The following TRNT1 variants were observed in gnomAD, a reference collection of about 807,000 sequenced individuals.
TRNT1 encodes CCA tRNA nucleotidyltransferase 1, mitochondrial.
TRNT1 carries 44 observed loss-of-function variants against 45.6 expected under a neutral mutation model. That is an observed-to-expected ratio of 0.97 (90% confidence interval 0.76 to 1.24). The LOEUF (loss-of-function observed/expected upper bound fraction) is 1.24, where lower values mean the gene tolerates loss of function less well. Among genes scored for constraint, TRNT1 ranks in the 50% most tolerant of loss-of-function variants. The pLI, the probability that TRNT1 is intolerant of heterozygous loss-of-function variation, is 0.00. For synonymous variants in TRNT1, 201 were observed against 171.4 expected, an observed-to-expected ratio of 1.17 and a Z score of -1.35; for missense variants, 633 against 504.4, an observed-to-expected ratio of 1.25 and a Z score of -2.44.
chr3:3,136,943 G>A (rs1478712783), intron 2 of TRNT1: 4 of 282,126 alleles, frequency 1.4e-5, no homozygotes, highest in East Asian at 9.2e-5. Context: ...GAGCCACTGC[G>A]CCTGACCTGC....
downstream of TRNT1, among the ~76,000 whole-genome samples, chr3:3,152,772 C>A (rs1296706483): frequency 1.3e-5 from 2 of 152,074 alleles, no homozygotes; most frequent in Non-Finnish European, 2.9e-5. Context: ...GGCAGACAGG[C>A]CTGTTTTGTC....
chr3:3,140,898 C>T (rs1046739359), intron 4 of TRNT1, among the ~76,000 whole-genome samples: 19 of 152,240 alleles, frequency 1.2e-4, no homozygotes, highest in Middle Eastern at 3.4e-3. Flanking sequence ...CTGGCTAACA[C>T]GGTGAAACCC....
rs773071444 is a variant in TRNT1, at chr3:3,140,693, CTTCTT to C, written c.481+49_481+53del. 22 of 1,582,812 alleles carry C rather than the reference CTTCTT, an allele frequency of 1.4e-5. No homozygotes were observed. The Admixed American group carries it at 2.2e-4, about 16-fold the overall frequency. ...CCATATTGTGAGTCTATCAGAATGC[CTTCTT>C]TTCAAGTAAAACCTACATTCTGGAA... On this transcript the variant is annotated intron_variant, in intron 4 of 7. Transcript: ENST00000251607.
rs749906606 is a variant in TRNT1, at chr3:3,148,000, C to T, written c.1151C>T (p.Pro384Leu). The T allele has an allele frequency of 1.2e-6, 2 of 1,614,000 alleles. No homozygotes were observed. Among genetic ancestry groups the T allele is most frequent in the East Asian group, 2.2e-5 (1 of 44,872 alleles). ...AAGGAAATGCAGCAGTGGTCCATTC[C>T]TCCATTTCCTGTAAGTGGCCATGAC... The part of the protein sequence containing the change: ...LLKEMQQWSI[P>L]PFPVSGHDIR... Residue 384 changes from proline (P) to leucine (L), a missense_variant, in exon 8 of 8, where the codon CCT becomes CTT. Physicochemically the swap from Pro to Leu is moderately conservative, Grantham distance 98. Coordinates refer to ENST00000251607, the MANE Select transcript of TRNT1 (RefSeq NM_182916.3).
At chr3:3,143,660 T>G (rs952319298) in intron 4 of TRNT1, among the ~76,000 whole-genome samples, 3 of 152,066 alleles carry the variant, frequency 2.0e-5, no homozygotes, top group African/African-American at 7.2e-5. Flanking sequence ...TGCAGATCAC[T>G]TGATGTCAGG....
At chr3:3,142,176 C>G (rs1331088684) in intron 4 of TRNT1, among the ~76,000 whole-genome samples, 2 of 152,178 alleles carry the variant, frequency 1.3e-5, no homozygotes, top group African/African-American at 4.8e-5. Context: ...AATATAGAGT[C>G]TTGTCTAACT....
At chr3:3,130,070 A>T (rs1231436106) in intron 2 of TRNT1, 2 of 1,130,776 alleles carry the variant, frequency 1.8e-6, no homozygotes, top group Non-Finnish European at 2.5e-6. Context: ...ATTAGTGTTG[A>T]TTCTCAATGT....
At chr3:3,136,566 C>A in intron 2 of TRNT1, 1 of 406,580 alleles carries the variant, frequency 2.5e-6, no homozygotes, top group Non-Finnish European at 4.8e-6. Flanking sequence ...TCTGTAAACA[C>A]AGAGAAATAC....
At chr3:3,141,440 G>A (rs938432518) in intron 4 of TRNT1, among the ~76,000 whole-genome samples, 4 of 152,132 alleles carry the variant, frequency 2.6e-5, no homozygotes, top group Admixed American at 2.6e-4. Context: ...AATGGTGAAT[G>A]ACTTCAGCAC....
downstream of TRNT1, chr3:3,152,570 G>A (rs867657843): frequency 6.2e-7 from 1 of 1,613,946 alleles, no homozygotes; most frequent in Non-Finnish European, 8.5e-7. Flanking sequence ...AGCTGCCATC[G>A]GCCCACATAA....
At chr3:3,146,287 C>A (rs915824262) in intron 5 of TRNT1, 143 bp from the exon 6 acceptor site, 1 of 469,990 alleles carries the variant, frequency 2.1e-6, no homozygotes, top group Non-Finnish European at 3.6e-6. Flanking sequence ...CAGTTGCTTT[C>A]TAAGGTCCCT....
intron 2 of TRNT1, among the ~76,000 whole-genome samples, chr3:3,135,506 G>A (rs1006135292): frequency 2.0e-5 from 3 of 152,194 alleles, no homozygotes; most frequent in Non-Finnish European, 2.9e-5. Context: ...GGGAAATGTG[G>A]CATTAGGGGA....
At chr3:3,151,378 C>G (rs1706536992), downstream of TRNT1, among the ~76,000 whole-genome samples, 1 of 152,180 alleles carries the variant, frequency 6.6e-6, no homozygotes, top group South Asian at 2.1e-4. Flanking sequence ...CTAACTTGTA[C>G]TGGCTTTTCC....
chr3:3,139,502 T>C (rs899808762), intron 3 of TRNT1, among the ~76,000 whole-genome samples: 4 of 152,210 alleles, frequency 2.6e-5, no homozygotes, highest in Non-Finnish European at 2.9e-5. Context: ...TAAATGCTAA[T>C]ATGCTACCTG....
rs558685323 is a variant in TRNT1 at position 3,148,463 on chromosome 3, C to T, written c.*309C>T. The T allele has an allele frequency of 1.6e-5, 3 of 185,722 alleles. No homozygotes were observed. In the East Asian group the frequency reaches 3.8e-4, roughly 23 times the overall value. The allele number at this position is 185,722 out of a possible 1,614,324, so 11.5% of individuals were successfully genotyped here. The stretch of plus-strand genomic sequence containing the variant: ...AAAACTGTTTTTGCATAGGGTAGTA[C>T]TAAGATCTTAAAAAGTGGTAACTGT... On this transcript the variant is annotated 3_prime_UTR_variant, in exon 8 of 8. Coordinates refer to ENST00000251607, the MANE Select transcript of TRNT1 (RefSeq NM_182916.3).
chr3:3,152,602 C>T (rs1559241131), downstream of TRNT1: 2 of 1,613,860 alleles, frequency 1.2e-6, no homozygotes, highest in Non-Finnish European at 1.7e-6. Context: ...AACAAAGAAT[C>T]AACATGGAGA....
At chr3:3,136,710 AG>A in intron 2 of TRNT1, 1 of 413,446 alleles carries the variant, frequency 2.4e-6, no homozygotes, top group Non-Finnish European at 4.7e-6. Flanking sequence ...GCTGGAGTGC[AG>A]TGGCACGATC....
At chr3:3,142,440 A>G (rs1203478687) in intron 4 of TRNT1, among the ~76,000 whole-genome samples, 2 of 152,150 alleles carry the variant, frequency 1.3e-5, no homozygotes, top group African/African-American at 2.4e-5. Flanking sequence ...CAGAATTCCA[A>G]CTCAGGCAGC....
At chr3:3,150,008 A>ATGT (rs1237185545), downstream of TRNT1, 5 of 152,152 alleles carry the variant, frequency 3.3e-5, no homozygotes, top group East Asian at 9.6e-4. Flanking sequence ...AACAAAGAAC[A>ATGT]TGTTTAGTTT....
Sources: allele counts gnomAD v4.1 joint callset (sites outside exome capture counted in the v4.1 genomes callset), GRCh38; gene constraint gnomAD v4.1.1; transcripts MANE v1.5; gene names NCBI Gene and HGNC (gene_info 2026-07-23, HGNC 2026-07-21).